TYW1: variants seen among roughly 807,000 people sequenced by gnomAD.
TYW1 encodes the protein tRNA-yW synthesizing protein 1 homolog, also known as S-adenosyl-L-methionine-dependent tRNA 4-demethylwyosine synthase TYW1.
Under a neutral mutation model 96.2 loss-of-function variants are expected in TYW1, and 46 were observed. That is an observed-to-expected ratio of 0.48 (90% CI 0.38 to 0.61). The LOEUF (loss-of-function observed/expected upper bound fraction) is 0.61, where lower values mean the gene tolerates loss of function less well. Ranked by LOEUF, TYW1 falls within the 20% of genes least tolerant of loss-of-function variation. TYW1 has a pLI of 0.00. For missense variants in TYW1, 684 were observed against 909.6 expected (o/e 0.75, Z 3.19); for synonymous variants, 274 against 323.0 (o/e 0.85, Z 1.63).
At chr7:67,164,634 T>C (rs746552840) in intron 13 of TYW1, among the ~76,000 whole-genome samples, 24 of 149,824 alleles carry the variant, frequency 1.6e-4, no homozygotes, top group Non-Finnish European at 1.3e-4. Flanking sequence ...AAGTTACCCC[T>C]TGTCAACAAA....
At chr7:67,073,767 CAAAAAAAAAAAA>C (rs71526599) in intron 10 of TYW1, among the ~76,000 whole-genome samples, 43 of 42,332 alleles carry the variant, frequency 1.0e-3, no homozygotes, top group African/African-American at 3.6e-3. Context: ...CGAGACTCTT[CAAAAAAAAAAAA>C]AAAAAAAAAA....
rs780948275 is a variant in TYW1, at chr7:66,998,869, C to A, written c.188C>A (p.Thr63Lys). ...SVPKAAQDLM[T>K]NGYVSLQEKD... ...CCAAAAGCAGCTCAGGATTTGATGA[C>A]AAATGGTTATGTCTCCCTTCAAGAG... The change falls in exon 3 of 16, where the codon ACA (threonine) becomes AAA (lysine). Residue 63 changes from threonine to lysine, a missense_variant. Thr to Lys is a moderately conservative substitution (Grantham distance 78, BLOSUM62 -1). Coordinates refer to ENST00000359626, the MANE Select transcript of TYW1 (RefSeq NM_018264.4). 3.5e-5 allele frequency: 56 copies of A among 1,614,038 alleles called. 1 individual carries two copies. Among genetic ancestry groups the A allele is most frequent in the South Asian group, 2.5e-4 (23 of 91,086 alleles).
intron 7 of TYW1, among the ~76,000 whole-genome samples, chr7:67,045,388 A>AT (rs904703200): frequency 1.1e-4 from 13 of 118,812 alleles, no homozygotes; most frequent in Admixed American, 2.6e-4. Flanking sequence ...TTAAAAAAAA[A>AT]TTTTTTTTTT....
At chr7:66,998,284 T>C in intron 2 of TYW1, 89 bp downstream of exon 2, 1 of 1,497,266 alleles carries the variant, frequency 6.7e-7, no homozygotes, top group East Asian at 2.4e-5. Flanking sequence ...TTAATTACTT[T>C]TGTGTTTGGT....
At chr7:67,223,810 C>G (rs28373153) in intron 15 of TYW1, among the ~76,000 whole-genome samples, 1 of 150,332 alleles carries the variant, frequency 6.7e-6, no homozygotes, top group South Asian at 2.1e-4. Flanking sequence ...GAGCTAAGAG[C>G]AGAGATTGAC....
At chr7:67,040,510 T>G (rs897339135) in intron 7 of TYW1, among the ~76,000 whole-genome samples, 2 of 152,006 alleles carry the variant, frequency 1.3e-5, no homozygotes, top group African/African-American at 4.8e-5. Flanking sequence ...GATAGCTGAT[T>G]GAGAGATTTT....
intron 15 of TYW1, among the ~76,000 whole-genome samples, chr7:67,224,159 C>T (rs1801481850): frequency 6.6e-6 from 1 of 152,236 alleles, no homozygotes; most frequent in Admixed American, 6.5e-5. Context: ...CAGAGTTTCG[C>T]TCTGGTTGCC....
At chr7:67,055,739 C>CAA (rs34783731) in intron 8 of TYW1, 96 bp from the exon 9 acceptor site, 5,271 of 837,840 alleles carry the variant, frequency 6.3e-3, no homozygotes, top group Non-Finnish European at 7.7e-3. Context: ...AATAATTTAG[C>CAA]AAAAAAAAAA....
intron 3 of TYW1, among the ~76,000 whole-genome samples, chr7:67,008,721 G>A (rs907310041): frequency 6.6e-6 from 1 of 152,102 alleles, no homozygotes; most frequent in African/African-American, 2.4e-5. Context: ...GGAGTGCAAT[G>A]GTGCAATCTT....
intron 9 of TYW1, among the ~76,000 whole-genome samples, chr7:67,058,414 C>T (rs776846697): frequency 2.0e-5 from 3 of 152,108 alleles, no homozygotes; most frequent in Non-Finnish European, 4.4e-5. Context: ...GGGTCATTGG[C>T]CGAGGGGGCG....
chr7:67,197,145 A>G (rs56001319), intron 15 of TYW1, among the ~76,000 whole-genome samples: 38,207 of 152,110 alleles, frequency 0.25, 4,984 homozygotes, highest in African/African-American at 0.3. Flanking sequence ...CAAGGCCATT[A>G]TTATGAAACA....
At chr7:67,029,408 T>TATATATATACA (rs1381722152) in intron 7 of TYW1, among the ~76,000 whole-genome samples, 1 of 135,042 alleles carries the variant, frequency 7.4e-6, no homozygotes, top group African/African-American at 2.8e-5. Flanking sequence ...TGTGTGTGTG[T>TATATATATACA]GTGTGTGTAT....
chr7:67,153,301 C>T (rs945042385), intron 13 of TYW1, among the ~76,000 whole-genome samples: 20 of 152,224 alleles, frequency 1.3e-4, no homozygotes, highest in Admixed American at 2.6e-4. Flanking sequence ...ACTAAAAATA[C>T]ACAAATTAGC....
chr7:67,049,796 C>T (rs563356809), intron 7 of TYW1, among the ~76,000 whole-genome samples, 153 bp from the exon 8 acceptor site: 61 of 152,156 alleles, frequency 4.0e-4, no homozygotes, highest in Non-Finnish European at 8.1e-4. Flanking sequence ...ATCCGCCTGC[C>T]CTGGCCTCCT....
chr7:67,137,028 G>A, intron 13 of TYW1, among the ~76,000 whole-genome samples: 1 of 140,272 alleles, frequency 7.1e-6, no homozygotes, highest in African/African-American at 2.9e-5. Flanking sequence ...TCACCATGTT[G>A]GCCAGGCTGG....
intron 14 of TYW1, among the ~76,000 whole-genome samples, chr7:67,193,759 CAA>C (rs35069275): frequency 2.9e-4 from 34 of 116,108 alleles, no homozygotes; most frequent in Admixed American, 2.8e-4. Flanking sequence ...GACTCTGTCT[CAA>C]AAAAAAAAAA....
At chr7:67,014,689 A>T in intron 5 of TYW1, 128 bp downstream of exon 5, 1 of 1,099,062 alleles carries the variant, frequency 9.1e-7, no homozygotes, top group East Asian at 2.7e-5. Context: ...AATAATCCAC[A>T]AACTTTGGTA....
At chr7:67,159,486 T>G (rs1799088716) in intron 13 of TYW1, among the ~76,000 whole-genome samples, 1 of 152,162 alleles carries the variant, frequency 6.6e-6, no homozygotes, top group Non-Finnish European at 1.5e-5. Context: ...CATATATGTC[T>G]GATTTTAATG....
intron 13 of TYW1, among the ~76,000 whole-genome samples, chr7:67,176,438 T>C (rs1385152778): frequency 6.6e-6 from 1 of 152,196 alleles, no homozygotes; most frequent in African/African-American, 2.4e-5. Flanking sequence ...AAGACTACAC[T>C]TGATCTTAGC....
Sources: gnomAD v4.1 joint callset for allele counts (sites outside exome capture counted in the v4.1 genomes callset) on GRCh38, gnomAD v4.1.1 for gene constraint, MANE v1.5 for transcripts, NCBI Gene and HGNC (gene_info 2026-07-23, HGNC 2026-07-21) for gene names.